Variants in CNTNAP4 observed in about 807,000 individuals in gnomAD.
CNTNAP4 encodes the protein contactin-associated protein-like 4.
A neutral mutation model predicts 148.4 loss-of-function variants in CNTNAP4; 98 were observed. The ratio of observed to expected loss-of-function variants is 0.66; its 90% CI spans 0.56 to 0.78. The LOEUF (loss-of-function observed/expected upper bound fraction) is 0.78. CNTNAP4 is among the 30% of genes least tolerant of loss of function. The probability of loss-of-function intolerance (pLI) is 0.00; values close to 1 mark genes in which losing one functional copy is unlikely to be tolerated. For missense variants in CNTNAP4, 1,935 were observed against 1,565.6 expected, an observed-to-expected ratio of 1.24 and a Z score of -3.98; for synonymous variants, 730 against 565.1, an observed-to-expected ratio of 1.29 and a Z score of -4.14.
At chr16:76,508,010 T>C (rs529287922) in intron 15 of CNTNAP4, among the ~76,000 whole-genome samples, 1 of 98,014 alleles carries the variant, frequency 1.0e-5, no homozygotes, top group East Asian at 5.2e-4. Flanking sequence ...TCAAAACATG[T>C]TTAGCATATT....
chr16:76,334,739 T>C (rs774200938), intron 2 of CNTNAP4, among the ~76,000 whole-genome samples: 7 of 152,122 alleles, frequency 4.6e-5, no homozygotes, highest in South Asian at 2.1e-4. Flanking sequence ...TCAAAACCCA[T>C]GTATTTTTTA....
chr16:76,534,160 A>G (rs1345424637), intron 17 of CNTNAP4, among the ~76,000 whole-genome samples: 1 of 152,226 alleles, frequency 6.6e-6, no homozygotes, highest in Non-Finnish European at 1.5e-5. Flanking sequence ...CCCTTGAAGC[A>G]CTATGCCCAT....
At chr16:76,357,766 CTCT>C (rs1293829734) in intron 3 of CNTNAP4, among the ~76,000 whole-genome samples, 2 of 152,206 alleles carry the variant, frequency 1.3e-5, no homozygotes, top group Non-Finnish European at 2.9e-5. Context: ...CCTCCATCAG[CTCT>C]TCTTTTTATT....
At chr16:76,376,472 A>G (rs1044733483) in intron 3 of CNTNAP4, among the ~76,000 whole-genome samples, 4 of 151,578 alleles carry the variant, frequency 2.6e-5, no homozygotes, top group African/African-American at 7.2e-5. Context: ...AAAAGTAAAG[A>G]CAGGTTTAGA....
Position 76,277,641 on chromosome 16 carries a change from G to A in CNTNAP4, c.-22G>A, listed in dbSNP as rs764327847. The A allele has an allele frequency of 1.3e-6, 2 of 1,562,238 alleles. No homozygotes were observed. Among genetic ancestry groups the A allele is most frequent in the Admixed American group, 3.6e-5 (2 of 56,124 alleles). The stretch of plus-strand genomic sequence containing the variant: ...TCTGAGAGCCTCTCAAGATCTTTTG[G>A]GGGAGCCCAATAAATGTGAACATGG... On this transcript the variant is annotated 5_prime_UTR_variant, in exon 1 of 24. Transcript: ENST00000611870.
chr16:76,524,834 A>G (rs371912373), intron 17 of CNTNAP4, among the ~76,000 whole-genome samples: 2 of 152,170 alleles, frequency 1.3e-5, no homozygotes, highest in South Asian at 4.1e-4. Context: ...ATGAGGCAAC[A>G]TAAAGATTTG....
At chr16:76,416,160 C>T (rs1411025554) in intron 3 of CNTNAP4, among the ~76,000 whole-genome samples, 4 of 150,974 alleles carry the variant, frequency 2.6e-5, no homozygotes, top group African/African-American at 9.7e-5. Context: ...CTTTTTTCCC[C>T]CATAGATAGC....
At chr16:76,376,257 A>G (rs1000086173) in intron 3 of CNTNAP4, among the ~76,000 whole-genome samples, 11 of 152,238 alleles carry the variant, frequency 7.2e-5, no homozygotes, top group African/African-American at 2.7e-4. Flanking sequence ...CTAAAAGGTG[A>G]GAGTAGATGT....
chr16:76,384,412 G>A (rs1303749574), intron 3 of CNTNAP4, among the ~76,000 whole-genome samples: 1 of 152,056 alleles, frequency 6.6e-6, no homozygotes, highest in Admixed American at 6.6e-5. Context: ...GCACCATGAG[G>A]ACCAAGCTGA....
At chr16:76,516,333 A>G (rs1453844833) in intron 15 of CNTNAP4, among the ~76,000 whole-genome samples, 1 of 150,572 alleles carries the variant, frequency 6.6e-6, no homozygotes, top group Non-Finnish European at 1.5e-5. Context: ...TTCTTCACCC[A>G]GTCTATCATT....
At chr16:76,373,410 T>C (rs78116373) in intron 3 of CNTNAP4, among the ~76,000 whole-genome samples, 1 of 152,198 alleles carries the variant, frequency 6.6e-6, no homozygotes, top group Non-Finnish European at 1.5e-5. Context: ...ATATTCCCAA[T>C]TGCCTTTATA....
At chr16:76,515,087 A>C (rs1303807315) in intron 15 of CNTNAP4, among the ~76,000 whole-genome samples, 2 of 152,206 alleles carry the variant, frequency 1.3e-5, no homozygotes, top group African/African-American at 4.8e-5. Context: ...TAAATTGATA[A>C]ATGAGACTTT....
At chr16:76,498,448 G>C (rs2082483302) in intron 14 of CNTNAP4, 119 bp from the exon 15 acceptor site, 1 of 653,266 alleles carries the variant, frequency 1.5e-6, no homozygotes, top group African/African-American at 1.8e-5. Context: ...GTGCTCCGAT[G>C]AGTGACTGGA....
chr16:76,328,538 C>T (rs1963218482), intron 2 of CNTNAP4, among the ~76,000 whole-genome samples: 1 of 152,046 alleles, frequency 6.6e-6, no homozygotes, highest in Non-Finnish European at 1.5e-5. Flanking sequence ...GCAGAAAGGA[C>T]ATTTAGTAAA....
chr16:76,403,698 A>G (rs1056054367), intron 3 of CNTNAP4, among the ~76,000 whole-genome samples: 4 of 152,344 alleles, frequency 2.6e-5, no homozygotes, highest in African/African-American at 7.2e-5. Context: ...ATTACTGGGT[A>G]TGTACCCAGA....
intron 3 of CNTNAP4, among the ~76,000 whole-genome samples, chr16:76,378,310 C>A (rs2015632794): frequency 6.6e-6 from 1 of 152,062 alleles, no homozygotes; most frequent in Admixed American, 6.5e-5. Context: ...ATAATGAGGA[C>A]CCTGGATGGC....
intron 3 of CNTNAP4, among the ~76,000 whole-genome samples, chr16:76,384,685 G>C (rs1316742353): frequency 6.6e-6 from 1 of 152,124 alleles, no homozygotes; most frequent in Non-Finnish European, 1.5e-5. Flanking sequence ...AAGTGGCCTT[G>C]TTATTAGTCA....
intron 13 of CNTNAP4, among the ~76,000 whole-genome samples, chr16:76,492,370 G>A (rs11149907): frequency 0.64 from 96,959 of 151,992 alleles, 31,337 homozygotes; most frequent in Middle Eastern, 0.75. Flanking sequence ...CCTTAAATGT[G>A]TACAATTTTT....
rs2081725282 is a variant in CNTNAP4, at chr16:76,479,402, G to A, written c.1763-17G>A. On this transcript the variant is annotated splice_polypyrimidine_tract_variant and intron_variant, in intron 11 of 23. Transcript: ENST00000611870. Reference sequence around the variant, plus strand: ...CATTTCATGCTATTCCATTAATGATGATTTTTTTTCTTAAAGCTATCTATG... The same window carrying A: ...CATTTCATGCTATTCCATTAATGATAATTTTTTTTCTTAAAGCTATCTATG... 3 of 1,562,210 alleles carry A rather than the reference G, an allele frequency of 1.9e-6. No homozygotes were observed. Among genetic ancestry groups the A allele is most frequent in the East Asian group, 2.3e-5 (1 of 43,344 alleles).
Sources: gnomAD v4.1 joint callset for allele counts (sites outside exome capture counted in the v4.1 genomes callset) on GRCh38, gnomAD v4.1.1 for gene constraint, MANE v1.5 for transcripts, NCBI Gene and HGNC (gene_info 2026-07-23, HGNC 2026-07-21) for gene names.